ZNF783: variants seen among roughly 807,000 people sequenced by gnomAD.
The protein encoded by ZNF783 is zinc finger protein 783.
ZNF783 carries 25 observed loss-of-function variants against 31.3 expected under a neutral mutation model. The ratio of observed to expected loss-of-function variants is 0.80; its 90% CI spans 0.58 to 1.11. ZNF783 has a LOEUF of 1.11. Ranked by LOEUF, ZNF783 falls within the 50% of genes most tolerant of loss-of-function variation. The probability of loss-of-function intolerance (pLI) is 0.00; values close to 1 mark genes in which losing one functional copy is unlikely to be tolerated. For synonymous variants in ZNF783, 369 were observed against 319.1 expected, an observed-to-expected ratio of 1.16 and a Z score of -1.66; for missense variants, 797 against 760.0, an observed-to-expected ratio of 1.05 and a Z score of -0.57.
In ZNF783 at chr7:149,278,512, G is replaced by T. The variant is rs1470923231; in HGVS notation, c.787G>T (p.Ala263Ser). The stretch of plus-strand genomic sequence containing the variant: ...GGACTCAGAGGCGAGAGTGGCCCCA[G>T]CCGGGCCAGAAGCAGGTGAGTGAGG... ...QQDSEARVAP[A>S]GPEAGGGVAI... Residue 263 changes from alanine to serine, a missense_variant, in exon 5 of 6, where the codon GCC (alanine) becomes TCC (serine). By Grantham distance (99) the Ala-to-Ser change is moderately conservative (BLOSUM62 1). Transcript: ENST00000434415. 6.3e-7 allele frequency: 1 copy of T among 1,599,362 alleles called. No homozygotes were observed. Among genetic ancestry groups the T allele is most frequent in the Non-Finnish European group, 8.5e-7 (1 of 1,179,754 alleles).
chr7:149,262,311 C>T lies in ZNF783; in HGVS notation c.-23C>T. 7.4e-7 allele frequency: 1 copy of T among 1,359,846 alleles called. No homozygotes were observed. Among genetic ancestry groups the T allele is most frequent in the Non-Finnish European group, 9.5e-7 (1 of 1,052,186 alleles). 84.2% of individuals were successfully genotyped at this position (1,359,846 alleles called of 1,614,324 possible). A position where few individuals can be genotyped will look rare whatever the true frequency, so the allele number is the denominator to read the frequency against. Reference sequence around the variant, plus strand: ...GACAGGCCGGGTCCAGGGACTGCAACCCAGCGAGGGACGCGGGCAGCCATG... The same window carrying T: ...GACAGGCCGGGTCCAGGGACTGCAATCCAGCGAGGGACGCGGGCAGCCATG... On this transcript the variant is annotated 5_prime_UTR_variant, in exon 1 of 6. Transcript: ENST00000434415.
chr7:149,265,944 T>C (rs1158551684), intron 1 of ZNF783, among the ~76,000 whole-genome samples: 1 of 152,178 alleles, frequency 6.6e-6, no homozygotes, highest in East Asian at 1.9e-4. Flanking sequence ...GGGAGTCATG[T>C]TCTCTGTGCC....
intron 1 of ZNF783, among the ~76,000 whole-genome samples, chr7:149,264,655 A>G (rs1371754532): frequency 6.6e-6 from 1 of 152,108 alleles, no homozygotes. Flanking sequence ...CGGGCGGATC[A>G]CAAGGTCAGG....
intron 1 of ZNF783, among the ~76,000 whole-genome samples, chr7:149,265,075 C>G (rs916665123): frequency 6.6e-6 from 1 of 151,860 alleles, no homozygotes; most frequent in African/African-American, 2.4e-5. Flanking sequence ...GTGATGGGAA[C>G]TTGGACTAGA....
At chr7:149,278,103 A>G (rs962396071) in intron 4 of ZNF783, 3 of 1,135,648 alleles carry the variant, frequency 2.6e-6, no homozygotes, top group Non-Finnish European at 3.3e-6. Context: ...TGGGACAGGC[A>G]TGGTGTTTCT....
In ZNF783 at chr7:149,267,371, C is replaced by T. The variant is rs528490086; in HGVS notation, c.673+149C>T. 50 of 1,115,244 alleles carry T rather than the reference C, an allele frequency of 4.5e-5. No homozygotes were observed. In the South Asian group the frequency reaches 7.7e-4, roughly 17 times the overall value. 69.1% of individuals were successfully genotyped at this position (1,115,244 alleles called of 1,614,324 possible). On this transcript the variant is annotated intron_variant, in intron 4 of 5. Coordinates refer to ENST00000434415, the MANE Select transcript of ZNF783 (RefSeq NM_001195220.2). ...TGGGACCACTCTGTACAAGGCCACC[C>T]TGGGCAGGAGTGGGTGGCTGGCTTG...
intron 4 of ZNF783, among the ~76,000 whole-genome samples, chr7:149,269,902 T>C (rs1179842773): frequency 1.3e-5 from 2 of 148,364 alleles, no homozygotes; most frequent in African/African-American, 5.0e-5. Flanking sequence ...TTCCCACCTA[T>C]GAGTGAGGGC....
At chr7:149,263,326 T>A (rs866528762) in intron 1 of ZNF783, among the ~76,000 whole-genome samples, 1,960 of 132,524 alleles carry the variant, frequency 0.015, 40 homozygotes, top group African/African-American at 0.051. Context: ...ATATATATAT[T>A]TTTTTTTTAG....
In ZNF783 at chr7:149,266,660, A is replaced by T; in HGVS notation, c.350A>T (p.Glu117Val). Residue 117 changes from glutamate to valine, a missense_variant, in exon 2 of 6, where the codon GAG (glutamate) becomes GTG (valine). By Grantham distance (121) the Glu-to-Val change is moderately radical. Transcript: ENST00000434415. ...CTGCAGAGGCGGCTGGAGAATGTGG[A>T]GAACTTGCTGCGCAACAGGAACTTC... ...GLLQRRLENV[E>V]NLLRNRNFWI... is the part of the protein sequence containing the mutation. 1 of 1,614,150 alleles carries T rather than the reference A, an allele frequency of 6.2e-7. No homozygotes were observed.
At chr7:149,279,688 T>G (rs1281097583) in intron 5 of ZNF783, among the ~76,000 whole-genome samples, 1 of 148,822 alleles carries the variant, frequency 6.7e-6, no homozygotes, top group Non-Finnish European at 1.5e-5. Context: ...TTCTTGGGTG[T>G]TTCTCGCAGA....
chr7:149,267,061 G>T, intron 3 of ZNF783, 36 bp from the exon 4 acceptor site: 4 of 1,606,114 alleles, frequency 2.5e-6, no homozygotes, highest in Non-Finnish European at 3.4e-6. Flanking sequence ...GGGCATGTGG[G>T]GTCCAGCTCT....
chr7:149,267,442 C>T (rs1350550853), intron 4 of ZNF783, among the ~76,000 whole-genome samples: 1 of 152,198 alleles, frequency 6.6e-6, no homozygotes, highest in Non-Finnish European at 1.5e-5. Context: ...ATCACACTCA[C>T]CTTACGTGGT....
intron 4 of ZNF783, among the ~76,000 whole-genome samples, chr7:149,274,198 C>T (rs1190107462): frequency 8.6e-5 from 13 of 151,986 alleles, no homozygotes; most frequent in Non-Finnish European, 1.8e-4. Context: ...TTTGATAGTT[C>T]GAGGTCTTAT....
chr7:149,266,381 C>T lies in ZNF783; in HGVS notation c.71C>T (p.Pro24Leu). The change falls in exon 2 of 6, where the codon CCC (proline) becomes CTC (leucine). Residue 24 changes from proline to leucine, a missense_variant. By Grantham distance (98) the Pro-to-Leu change is moderately conservative. Transcript: ENST00000434415. ...KHTEDQSPSTPLPQPAAEKNS... is the reference protein window; with the variant it reads ...KHTEDQSPSTLLPQPAAEKNS... ...ACAGAGGACCAGAGTCCTTCGACACCCTTGCCCCAGCCAGCTGCTGAGAAG... is the reference window on the plus strand; with the variant it reads ...ACAGAGGACCAGAGTCCTTCGACACTCTTGCCCCAGCCAGCTGCTGAGAAG... The T allele has an allele frequency of 1.9e-6, 3 of 1,598,968 alleles. No individual in the cohort carries two copies. The highest frequency in any genetic ancestry group is 2.5e-6 in the Non-Finnish European group (3 of 1,179,324).
chr7:149,266,960 G>A lies in ZNF783; in HGVS notation c.547+15G>A, dbSNP rs1302209505. 3.1e-6 allele frequency: 5 copies of A among 1,614,040 alleles called. No homozygotes were observed. The highest frequency in any genetic ancestry group is 4.2e-6 in the Non-Finnish European group (5 of 1,180,010). On this transcript the variant is annotated intron_variant, in intron 3 of 5. Transcript: ENST00000434415. ...GGTCTCCCTGGGTAAGGCCACGGAGGGAGGATCTGGGCCTCTGTCCACAGG... is the reference window on the plus strand; with the variant it reads ...GGTCTCCCTGGGTAAGGCCACGGAGAGAGGATCTGGGCCTCTGTCCACAGG...
chr7:149,284,044 A>G lies in ZNF783; in HGVS notation c.*1701A>G, dbSNP rs974064055. On this transcript the variant is annotated 3_prime_UTR_variant, in exon 6 of 6. Transcript: ENST00000434415. ...CATGAGATTCGGACTGTAGAAGTTC[A>G]GACTGCCTCAGTTCAGACTGCCTCA... 6.6e-6 allele frequency: 1 copy of G among 152,168 alleles called. No homozygotes were observed. The highest frequency in any genetic ancestry group is 2.4e-5 in the African/African-American group (1 of 41,432). The allele number at this position is 152,168 out of a possible 1,614,324, so 9.4% of individuals were successfully genotyped here.
chr7:149,282,087 G>A lies in ZNF783; in HGVS notation c.1385G>A (p.Gly462Asp). Residue 462 changes from glycine to aspartate, a missense_variant, in exon 6 of 6, where the codon GGC (glycine) becomes GAC (aspartate). Coordinates refer to ENST00000434415, the MANE Select transcript of ZNF783 (RefSeq NM_001195220.2). ...CACCAGCGCCTGCACACCGGCAATG[G>A]CCAGGGCTGGCCCGCCTGCCCCTAC... ...LLHQRLHTGNGQGWPACPYCG... is the reference protein window; with the variant it reads ...LLHQRLHTGNDQGWPACPYCG... The A allele has an allele frequency of 6.3e-7, 1 of 1,596,544 alleles. No individual in the cohort carries two copies.
chr7:149,271,843 A>G (rs1293636488), intron 4 of ZNF783, among the ~76,000 whole-genome samples: 1 of 152,176 alleles, frequency 6.6e-6, no homozygotes, highest in African/African-American at 2.4e-5. Flanking sequence ...GATTATGTAC[A>G]GATCTTCCTC....
At chr7:149,266,186 C>A (rs1797059336) in intron 1 of ZNF783, 149 bp from the exon 2 acceptor site, 2 of 897,102 alleles carry the variant, frequency 2.2e-6, no homozygotes, top group Non-Finnish European at 1.6e-6. Flanking sequence ...GATACCCTAG[C>A]CTCTCCCTCT....
Sources: gnomAD v4.1 joint callset for allele counts (sites outside exome capture counted in the v4.1 genomes callset) on GRCh38, gnomAD v4.1.1 for gene constraint, MANE v1.5 for transcripts, NCBI Gene and HGNC (gene_info 2026-07-23, HGNC 2026-07-21) for gene names.